STS: variants seen among roughly 807,000 people sequenced by gnomAD.
STS encodes the protein steroid sulfatase.
A neutral mutation model predicts 26.8 loss-of-function variants in STS; 7 were observed. The observed-to-expected ratio is 0.26, with a 90% CI of 0.15 to 0.49. The LOEUF (loss-of-function observed/expected upper bound fraction) is 0.49, where lower values mean the gene tolerates loss of function less well. Ranked by LOEUF, STS falls within the 20% of genes least tolerant of loss-of-function variation. The pLI, the probability that STS is intolerant of heterozygous loss-of-function variation, is 0.98. For missense variants in STS, 434 were observed against 465.6 expected, an observed-to-expected ratio of 0.93 and a Z score of 0.63; for synonymous variants, 199 against 189.4, an observed-to-expected ratio of 1.05 and a Z score of -0.42.
intron 1 of STS, among the ~76,000 whole-genome samples, chrX:7,172,342 G>A (rs1378084959): frequency 1.8e-5 from 2 of 110,976 alleles, no homozygotes; most frequent in African/African-American, 6.6e-5. Flanking sequence ...CACTGTTCGT[G>A]ATGCCTGCCT....
At chrX:7,152,186 T>TCA (rs1933030601) in intron 1 of STS, among the ~76,000 whole-genome samples, 1 of 110,929 alleles carries the variant, frequency 9.0e-6, no homozygotes, top group Non-Finnish European at 1.9e-5. Flanking sequence ...TTTCCTGACC[T>TCA]TGCGATCCGC....
chrX:7,253,171 C>A, intron 2 of STS, 25 bp from the exon 3 acceptor site: 1 of 1,209,845 alleles, frequency 8.3e-7, no homozygotes, highest in Non-Finnish European at 1.1e-6. Context: ...CCTTCAGTTC[C>A]TTTTTGTGTC....
At chrX:7,216,191 G>A (rs1921303815) in intron 2 of STS, among the ~76,000 whole-genome samples, 1 of 112,037 alleles carries the variant, frequency 8.9e-6, no homozygotes, top group Non-Finnish European at 1.9e-5. Flanking sequence ...GAGCAGACAT[G>A]CACCTGCACC....
At chrX:7,322,616 G>A (rs1315270917) in intron 8 of STS, among the ~76,000 whole-genome samples, 1 of 111,836 alleles carries the variant, frequency 8.9e-6, no homozygotes. Flanking sequence ...GGCCAGGTTG[G>A]TCTTCAACTG....
chrX:7,186,044 A>C (rs1372359507), intron 1 of STS, among the ~76,000 whole-genome samples: 5 of 111,965 alleles, frequency 4.5e-5, no homozygotes, highest in Non-Finnish European at 9.4e-5. Context: ...GGACTTGTGA[A>C]AATGTTTATT....
intron 2 of STS, among the ~76,000 whole-genome samples, chrX:7,220,620 C>G (rs914020568): frequency 2.0e-5 from 2 of 99,427 alleles, no homozygotes; most frequent in African/African-American, 3.8e-5. Flanking sequence ...GCGATCTCGG[C>G]TCACTGCAAG....
intron 2 of STS, among the ~76,000 whole-genome samples, chrX:7,194,106 T>C (rs1477666722): frequency 1.8e-5 from 2 of 110,632 alleles, no homozygotes; most frequent in Non-Finnish European, 3.8e-5. Context: ...GGTTTCACCA[T>C]ATTGGCCAGG....
chrX:7,294,735 C>T (rs773268096), intron 7 of STS, among the ~76,000 whole-genome samples: 5 of 111,766 alleles, frequency 4.5e-5, no homozygotes, highest in Admixed American at 9.6e-5. Context: ...CCAACAGCCA[C>T]TACACTATAG....
intron 1 of STS, among the ~76,000 whole-genome samples, chrX:7,157,252 C>T (rs1478113699): frequency 8.9e-6 from 1 of 111,842 alleles, no homozygotes; most frequent in East Asian, 2.8e-4. Flanking sequence ...GATCTTTGCT[C>T]ATGTGACTGC....
At chrX:7,320,067 T>C (rs1926939158) in intron 8 of STS, among the ~76,000 whole-genome samples, 1 of 91,427 alleles carries the variant, frequency 1.1e-5, no homozygotes, top group East Asian at 3.0e-4. Flanking sequence ...ATATATATTT[T>C]ATATATATTT....
chrX:7,320,448 TC>T (rs1926974373), intron 8 of STS, among the ~76,000 whole-genome samples: 1 of 111,262 alleles, frequency 9.0e-6, no homozygotes, highest in Non-Finnish European at 1.9e-5. Context: ...TGGTTTTTGT[TC>T]CTGTTTATTT....
chrX:7,315,950 G>C (rs1926694144), intron 8 of STS, among the ~76,000 whole-genome samples: 1 of 111,110 alleles, frequency 9.0e-6, no homozygotes, highest in Non-Finnish European at 1.9e-5. Flanking sequence ...ATCCAATCAA[G>C]TTGACACTCA....
intron 6 of STS, among the ~76,000 whole-genome samples, chrX:7,268,365 G>A (rs1924107934): frequency 9.0e-6 from 1 of 111,542 alleles, no homozygotes; most frequent in Non-Finnish European, 1.9e-5. Flanking sequence ...GCATTTATTG[G>A]GTTCCTCCAG....
chrX:7,321,569 A>G (rs1383690314), intron 8 of STS, among the ~76,000 whole-genome samples: 1 of 112,412 alleles, frequency 8.9e-6, no homozygotes, highest in Admixed American at 9.4e-5. Flanking sequence ...GCTTTTAACA[A>G]TGGAAATTTG....
chrX:7,206,660 G>A (rs1920951904), intron 2 of STS, among the ~76,000 whole-genome samples: 1 of 111,661 alleles, frequency 9.0e-6, no homozygotes, highest in African/African-American at 3.3e-5. Flanking sequence ...CCAACATAGA[G>A]CTGTGTGATC....
chrX:7,304,950 C>T (rs1259617604), intron 7 of STS, 96 bp from the exon 8 acceptor site: 1 of 1,031,974 alleles, frequency 9.7e-7, no homozygotes, highest in African/African-American at 1.9e-5. Context: ...CGTTTACTTC[C>T]ACCTTGAGAA....
At chrX:7,304,521 T>G (rs1363088225) in intron 7 of STS, among the ~76,000 whole-genome samples, 9 of 111,548 alleles carry the variant, frequency 8.1e-5, no homozygotes, top group African/African-American at 2.9e-4. Context: ...GATATTCATG[T>G]GAGGGATAGT....
chrX:7,279,317 GT>G, intron 7 of STS, among the ~76,000 whole-genome samples: 1 of 40,108 alleles, frequency 2.5e-5, no homozygotes, highest in Non-Finnish European at 5.7e-5. Flanking sequence ...ATATATGTGT[GT>G]GTGTGTGTGT....
intron 7 of STS, among the ~76,000 whole-genome samples, chrX:7,280,792 G>A (rs1924819170): frequency 8.9e-6 from 1 of 112,457 alleles, no homozygotes; most frequent in Non-Finnish European, 1.9e-5. Flanking sequence ...TCATAAATCA[G>A]CCTTTGCTCA....
Sources: gnomAD v4.1 joint callset for allele counts (sites outside exome capture counted in the v4.1 genomes callset) on GRCh38, gnomAD v4.1.1 for gene constraint, MANE v1.5 for transcripts, NCBI Gene and HGNC (gene_info 2026-07-23, HGNC 2026-07-21) for gene names.